The following EIF2S2 variants were observed in gnomAD, a reference collection of about 807,000 sequenced individuals.
The protein encoded by EIF2S2 is eukaryotic translation initiation factor 2 subunit beta.
EIF2S2 carries 4 observed loss-of-function variants against 44.0 expected under a neutral mutation model. The ratio of observed to expected loss-of-function variants is 0.09; its 90% confidence interval spans 0.04 to 0.21. The LOEUF (loss-of-function observed/expected upper bound fraction) is 0.21, where lower values mean the gene tolerates loss of function less well. Among genes scored for constraint, EIF2S2 ranks in the 10% least tolerant of loss-of-function variants. The probability of loss-of-function intolerance (pLI) is 1.00; values close to 1 mark genes in which losing one functional copy is unlikely to be tolerated. For synonymous variants in EIF2S2, 108 were observed against 128.3 expected (o/e 0.84, Z 1.07); for missense variants, 154 against 392.0 (o/e 0.39, Z 5.13).
intron 7 of EIF2S2, among the ~76,000 whole-genome samples, chr20:34,092,311 AAAC>A (rs1366238587): frequency 2.6e-5 from 4 of 152,234 alleles, no homozygotes; most frequent in Non-Finnish European, 5.9e-5. Context: ...ACAATAGAAA[AAAC>A]AATGCTAGCT....
At chr20:34,109,516 C>T (rs896090547) in intron 1 of EIF2S2, among the ~76,000 whole-genome samples, 6 of 151,888 alleles carry the variant, frequency 4.0e-5, no homozygotes, top group African/African-American at 1.5e-4. Context: ...AAAAAATTAG[C>T]GGGTGCAAGA....
chr20:34,103,782 C>A (rs893786538), intron 2 of EIF2S2, among the ~76,000 whole-genome samples: 1 of 151,992 alleles, frequency 6.6e-6, no homozygotes, highest in African/African-American at 2.4e-5. Flanking sequence ...TCTCAGCTCA[C>A]TGCAACCTCT....
At position 34,099,514 on chromosome 20, in the gene EIF2S2, T is replaced by C. The variant is rs181603527; in HGVS notation, c.298-881A>G. Among the ~76,000 whole-genome samples, 159 of 152,304 alleles carry C rather than the reference T, an allele frequency of 1.0e-3. 1 individual carries two copies. The highest frequency in any genetic ancestry group is 3.5e-3 in the African/African-American group (144 of 41,554). ...AGATTTTTCCGGGTGACACCAAATA[T>C]GTGTTTTTCCACACCAACCCTCCAA... is the stretch of plus-strand genomic sequence containing the variant. On this transcript the variant is annotated intron_variant, in intron 3 of 8. Coordinates refer to ENST00000374980, the MANE Select transcript of EIF2S2 (RefSeq NM_003908.5).
Position 34,097,471 on chromosome 20 carries a change from C to T in EIF2S2, c.479G>A (p.Ser160Asn), listed in dbSNP as rs1348656185. ...TGCCCAAGCAGGGCCTGTCTGATTA[C>T]TGAATGAGATACCATCATCTTTTTT... ...DNKKDDGISF[S>N]NQTGPAWAGS... is the part of the protein sequence containing the mutation. Residue 160 changes from serine to asparagine, a missense_variant, in exon 5 of 9, where the codon AGT becomes AAT. By Grantham distance (46) the Ser-to-Asn change is conservative (BLOSUM62 1). Coordinates refer to ENST00000374980, the MANE Select transcript of EIF2S2 (RefSeq NM_003908.5). 3 of 1,613,790 alleles carry T rather than the reference C, an allele frequency of 1.9e-6. No individual in the cohort carries two copies. The highest frequency in any genetic ancestry group is 1.7e-6 in the Non-Finnish European group (2 of 1,179,942).
intron 3 of EIF2S2, among the ~76,000 whole-genome samples, chr20:34,099,272 G>A (rs748427946): frequency 2.0e-5 from 3 of 151,900 alleles, no homozygotes; most frequent in East Asian, 1.9e-4. Context: ...GAGAGGAATC[G>A]CTTGAACCCA....
chr20:34,094,734 A>T (rs2034207560), intron 6 of EIF2S2, among the ~76,000 whole-genome samples: 1 of 152,096 alleles, frequency 6.6e-6, no homozygotes, highest in South Asian at 2.1e-4. Flanking sequence ...ACATACACAT[A>T]TAAAATAAAA....
chr20:34,097,286 C>G (rs1230228599), intron 5 of EIF2S2, 130 bp downstream of exon 5: 1 of 762,608 alleles, frequency 1.3e-6, no homozygotes, highest in Non-Finnish European at 2.1e-6. Flanking sequence ...TGTGCACTGG[C>G]TGTGTGACCT....
chr20:34,103,628 C>G, intron 2 of EIF2S2, 63 bp from the exon 3 acceptor site: 2 of 1,442,408 alleles, frequency 1.4e-6, no homozygotes, highest in Non-Finnish European at 1.8e-6. Context: ...ATGAGTTACA[C>G]AAACATAGTT....
Position 34,111,860 on chromosome 20 carries a change from G to A in EIF2S2, c.15+236C>T, listed in dbSNP as rs190571732. On this transcript the variant is annotated intron_variant, in intron 1 of 8. Transcript: ENST00000374980. ...CGACTCAACGTGTGCTCTCCATTCC[G>A]GAAACGCCAACCACGGCAGGAGGTC... 4.0e-3 allele frequency among the ~76,000 whole-genome samples: 609 copies of A among 152,356 alleles called. 1 individual carries two copies. Among genetic ancestry groups the A allele is most frequent in the Admixed American group, 6.1e-3 (94 of 15,310 alleles).
chr20:34,108,583 T>G (rs1308475898), intron 1 of EIF2S2, among the ~76,000 whole-genome samples: 1 of 152,206 alleles, frequency 6.6e-6, no homozygotes, highest in Non-Finnish European at 1.5e-5. Flanking sequence ...GAAAAGCAAA[T>G]AGCTGTTGAC....
chr20:34,108,665 A>T (rs2034375415), intron 1 of EIF2S2, among the ~76,000 whole-genome samples: 1 of 152,180 alleles, frequency 6.6e-6, no homozygotes, highest in Admixed American at 6.5e-5. Flanking sequence ...CAAAAGCATA[A>T]ATTTTCTATT....
At chr20:34,103,710 C>CTT (rs869170048) in intron 2 of EIF2S2, 145 bp from the exon 3 acceptor site, 750 of 960,408 alleles carry the variant, frequency 7.8e-4, no homozygotes, top group East Asian at 1.2e-3. Context: ...ACTTATGGTT[C>CTT]TTTTTTTTTT....
intron 1 of EIF2S2, among the ~76,000 whole-genome samples, chr20:34,111,286 G>A: frequency 6.6e-6 from 1 of 152,126 alleles, no homozygotes; most frequent in East Asian, 1.9e-4. Context: ...AACTTACGGG[G>A]CCTCCCCCAA....
chr20:34,107,423 G>A (rs1016461074), intron 1 of EIF2S2, among the ~76,000 whole-genome samples: 5 of 152,208 alleles, frequency 3.3e-5, no homozygotes, highest in Admixed American at 2.0e-4. Flanking sequence ...GTTATTCCAC[G>A]GCTCATGTGT....
At chr20:34,096,974 C>A (rs549822516) in intron 5 of EIF2S2, among the ~76,000 whole-genome samples, 169 bp from the exon 6 acceptor site, 1 of 152,302 alleles carries the variant, frequency 6.6e-6, no homozygotes, top group South Asian at 2.1e-4. Flanking sequence ...CCCCAACCAG[C>A]ATTTGGTTCA....
At chr20:34,094,762 A>G (rs891507918) in intron 6 of EIF2S2, among the ~76,000 whole-genome samples, 1 of 152,214 alleles carries the variant, frequency 6.6e-6, no homozygotes, top group Non-Finnish European at 1.5e-5. Flanking sequence ...ATATAGAGCA[A>G]TGCCATTCAA....
At chr20:34,096,105 A>G (rs1311792094) in intron 6 of EIF2S2, among the ~76,000 whole-genome samples, 1 of 152,176 alleles carries the variant, frequency 6.6e-6, no homozygotes, top group East Asian at 1.9e-4. Flanking sequence ...ATCCTAGAGC[A>G]ACTGATGAGC....
intron 3 of EIF2S2, among the ~76,000 whole-genome samples, chr20:34,099,805 T>C (rs11696338): frequency 0.52 from 79,572 of 151,950 alleles, 23,021 homozygotes; most frequent in South Asian, 0.75. Flanking sequence ...TTATAAAGGA[T>C]ACAACTCACA....
At chr20:34,090,742 T>A in intron 7 of EIF2S2, 140 bp from the exon 8 acceptor site, 1 of 467,098 alleles carries the variant, frequency 2.1e-6, no homozygotes, top group Non-Finnish European at 3.8e-6. Flanking sequence ...TACTACTTGG[T>A]TTCCCAAAAT....
Sources: gnomAD v4.1 joint callset for allele counts (sites outside exome capture counted in the v4.1 genomes callset) on GRCh38, gnomAD v4.1.1 for gene constraint, MANE v1.5 for transcripts, NCBI Gene and HGNC (gene_info 2026-07-23, HGNC 2026-07-21) for gene names.